The following FANCI variants were observed in gnomAD, a reference collection of about 807,000 sequenced individuals.
The protein encoded by FANCI is Fanconi anemia group I protein.
In FANCI, 156 loss-of-function variants were observed where a neutral mutation model predicts 176.1. That is an observed-to-expected ratio of 0.89 (90% CI 0.78 to 1.01). The LOEUF is 1.01. Among genes scored for constraint, FANCI ranks in the 50% least tolerant of loss-of-function variants. The pLI, the probability that FANCI is intolerant of heterozygous loss-of-function variation, is 0.00. For synonymous variants in FANCI, 613 were observed against 541.7 expected (o/e 1.13, Z -1.83); for missense variants, 1,678 against 1,534.1 (o/e 1.09, Z -1.57).
chr15:89,272,480 A>C (rs1482145305), intron 10 of FANCI, among the ~76,000 whole-genome samples: 1 of 151,810 alleles, frequency 6.6e-6, no homozygotes, highest in Non-Finnish European at 1.5e-5. Flanking sequence ...AAAAGTTTTA[A>C]ATTTTGGTGA....
intron 27 of FANCI, 25 bp from the exon 28 acceptor site, chr15:89,303,839 A>T: frequency 6.2e-7 from 1 of 1,607,168 alleles, no homozygotes; most frequent in South Asian, 1.1e-5. Flanking sequence ...ATGTTTCTTT[A>T]ATATCTGAAT....
At chr15:89,302,454 A>C (rs2054557567) in intron 27 of FANCI, among the ~76,000 whole-genome samples, 1 of 152,204 alleles carries the variant, frequency 6.6e-6, no homozygotes, top group Admixed American at 6.5e-5. Context: ...TGGATTTAGG[A>C]AGGCTAAAAT....
In FANCI at chr15:89,295,087, A is replaced by T. The variant is rs35875311; in HGVS notation, c.2629A>T (p.Ile877Leu). ...PEKIFQNLCD[I>L]TRVLLWRYTS... ...AAAGATCTTTCAGAACCTCTGTGACATAACTCGGTAAGCCACTCCCACCCC... is the reference window on the plus strand; with the variant it reads ...AAAGATCTTTCAGAACCTCTGTGACTTAACTCGGTAAGCCACTCCCACCCC... The change falls in exon 24 of 38, where the codon ATA (isoleucine) becomes TTA (leucine). Residue 877 changes from isoleucine to leucine, a missense_variant. This residue lies in a region of FANCI where 1,204 missense variants were observed against 1,077.4 expected (regional missense o/e 1.12). Coordinates refer to ENST00000310775, the MANE Select transcript of FANCI (RefSeq NM_001113378.2). The T allele has an allele frequency of 0.097, 150,005 of 1,551,466 alleles. 7,822 individuals are homozygous for T. Among genetic ancestry groups the T allele is most frequent in the South Asian group, 0.11 (8,998 of 84,024 alleles).
intron 3 of FANCI, 59 bp from the exon 4 acceptor site, chr15:89,260,654 C>G: frequency 1.3e-6 from 2 of 1,596,522 alleles, no homozygotes. Flanking sequence ...GTTCGTTTTT[C>G]CTATTTACCT....
At chr15:89,254,373 T>C (rs557835662) in intron 2 of FANCI, among the ~76,000 whole-genome samples, 1 of 152,206 alleles carries the variant, frequency 6.6e-6, no homozygotes, top group East Asian at 1.9e-4. Context: ...CATCTTGCTA[T>C]ACCAGAAAGT....
intron 2 of FANCI, among the ~76,000 whole-genome samples, chr15:89,254,770 C>T (rs1277198458): frequency 6.6e-6 from 1 of 152,146 alleles, no homozygotes; most frequent in East Asian, 1.9e-4. Flanking sequence ...TATGACTGTG[C>T]CACTGCAGTC....
At position 89,283,190 on chromosome 15, in the gene FANCI, C is replaced by T; in HGVS notation, c.1638C>T (p.Asn546=). The change falls in exon 17 of 38, where the codon AAC becomes AAT. Residue 546 remains asparagine (N), a synonymous_variant. Transcript: ENST00000310775. ...AVAGFLLLLK[N]FKVLGSLSSS... is the part of the protein sequence containing the mutation. The stretch of plus-strand genomic sequence containing the variant: ...CTGGGTTTTTGCTGCTCCTGAAGAA[C>T]TTTAAAGTTTTAGGCAGCCTGTCAT... 1.2e-6 allele frequency: 2 copies of T among 1,614,192 alleles called. No homozygotes were observed. Among genetic ancestry groups the T allele is most frequent in the Non-Finnish European group, 1.7e-6 (2 of 1,180,034 alleles).
intron 34 of FANCI, among the ~76,000 whole-genome samples, chr15:89,309,272 C>A (rs1453820375): frequency 6.6e-6 from 1 of 152,172 alleles, no homozygotes; most frequent in Non-Finnish European, 1.5e-5. Flanking sequence ...GGATATATAT[C>A]TGTCCATTCC....
In FANCI at chr15:89,316,649, G is replaced by A; in HGVS notation, c.*190G>A. ...TGCTACTGAAAAATGGCTGGCCTTA[G>A]GCAAGCCCTTTTGCAAAAAGCACAG... On this transcript the variant is annotated 3_prime_UTR_variant, in exon 38 of 38. Coordinates refer to ENST00000310775, the MANE Select transcript of FANCI (RefSeq NM_001113378.2). 2 of 1,202,576 alleles carry A rather than the reference G, an allele frequency of 1.7e-6. No individual in the cohort carries two copies. Among genetic ancestry groups the A allele is most frequent in the East Asian group, 2.3e-5 (1 of 42,930 alleles). The allele number at this position is 1,202,576 out of a possible 1,614,324, so 74.5% of individuals were successfully genotyped here.
Position 89,301,489 on chromosome 15 carries a change from A to G in FANCI, c.3006+47A>G, listed in dbSNP as rs745691378. On this transcript the variant is annotated intron_variant, in intron 27 of 37. Transcript: ENST00000310775. ...TCCCATTTAGCATTCCTCAGAAGGC[A>G]AGGATTATTGCATCATAAAAGTGTA... 8.8e-6 allele frequency: 11 copies of G among 1,244,682 alleles called. No individual in the cohort carries two copies. The African/African-American group carries it at 1.2e-4, about 13-fold the overall frequency. The allele number at this position is 1,244,682 out of a possible 1,614,324, so 77.1% of individuals were successfully genotyped here.
chr15:89,295,093 C>T lies in FANCI; in HGVS notation c.2635C>T (p.Arg879Ter), dbSNP rs1013628944. 7 of 1,551,182 alleles carry T rather than the reference C, an allele frequency of 4.5e-6. No individual in the cohort carries two copies. In the African/African-American group the frequency reaches 5.5e-5, roughly 12 times the overall value. ...CTTTCAGAACCTCTGTGACATAACT[C>T]GGTAAGCCACTCCCACCCCTTAGAA... The part of the protein sequence containing the change: ...KIFQNLCDIT[R>*]VLLWRYTSIP... The change falls in exon 24 of 38, where the codon CGA (arginine) becomes TGA (stop). Residue 879 changes from arginine (R) to a stop codon, truncating the protein, a stop_gained and splice_region_variant. Coordinates refer to ENST00000310775, the MANE Select transcript of FANCI (RefSeq NM_001113378.2). LOFTEE classifies it high-confidence loss of function.
intron 10 of FANCI, among the ~76,000 whole-genome samples, chr15:89,269,697 G>T (rs1382434734): frequency 6.6e-6 from 1 of 152,194 alleles, no homozygotes; most frequent in Non-Finnish European, 1.5e-5. Context: ...TACGGTTCCA[G>T]CAAGAAGGCA....
rs1596326954 is a variant in FANCI, at chr15:89,306,813, A to G, written c.3537+619A>G. On this transcript the variant is annotated intron_variant, in intron 32 of 37. Coordinates refer to ENST00000310775, the MANE Select transcript of FANCI (RefSeq NM_001113378.2). ...TACCTTCTAAGGTTTAATCTAAACT[A>G]TAACTATCCTAGAATTAAATCTGGG... 2.6e-5 allele frequency among the ~76,000 whole-genome samples: 4 copies of G among 152,266 alleles called. 1 individual carries two copies. Among genetic ancestry groups the G allele is most frequent in the Admixed American group, 2.6e-4 (4 of 15,298 alleles).
At chr15:89,261,247 G>A (rs2052700568) in intron 4 of FANCI, among the ~76,000 whole-genome samples, 1 of 152,138 alleles carries the variant, frequency 6.6e-6, no homozygotes, top group East Asian at 1.9e-4. Flanking sequence ...GTCCAGCCTG[G>A]GCAGCAGAGT....
intron 35 of FANCI, 70 bp downstream of exon 35, chr15:89,313,042 A>G: frequency 5.0e-6 from 7 of 1,396,132 alleles, no homozygotes; most frequent in Middle Eastern, 1.8e-4. Flanking sequence ...GGAAGAAGCC[A>G]GTGACAAAAA....
intron 10 of FANCI, among the ~76,000 whole-genome samples, chr15:89,272,949 A>G (rs1362147142): frequency 1.3e-5 from 2 of 152,042 alleles, no homozygotes; most frequent in African/African-American, 4.8e-5. Flanking sequence ...TTACAGGCAT[A>G]AGCCACCACA....
Position 89,295,366 on chromosome 15 carries a change from GAA to G in FANCI, c.2636+289_2636+290del, listed in dbSNP as rs373941070. On this transcript the variant is annotated intron_variant, in intron 24 of 37. Coordinates refer to ENST00000310775, the MANE Select transcript of FANCI (RefSeq NM_001113378.2). ...GGGTGACAGGGCAAGACTCTCAAAAGAAAAAAAAAAAAAAAAAAGCCAGACAT... is the reference window on the plus strand; with the variant it reads ...GGGTGACAGGGCAAGACTCTCAAAAGAAAAAAAAAAAAAAAAGCCAGACAT... Among the ~76,000 whole-genome samples the G allele has an allele frequency of 0.022, 2,083 of 96,260 alleles. 52 individuals carry two copies. The highest frequency in any genetic ancestry group is 0.085 in the African/African-American group (1,929 of 22,780). 63.2% of individuals were successfully genotyped at this position (96,260 alleles called of 152,430 possible).
intron 6 of FANCI, among the ~76,000 whole-genome samples, chr15:89,262,903 T>A (rs1051127523): frequency 2.0e-5 from 3 of 152,234 alleles, no homozygotes; most frequent in South Asian, 2.1e-4. Flanking sequence ...ATGTCTTTTT[T>A]AATTTTAAAT....
At chr15:89,274,481 T>A (rs1381569718) in intron 12 of FANCI, among the ~76,000 whole-genome samples, 177 bp downstream of exon 12, 3 of 152,200 alleles carry the variant, frequency 2.0e-5, no homozygotes, top group Admixed American at 1.3e-4. Context: ...TATGGAAATA[T>A]CCTTGAATCT....
Sources: gnomAD v4.1 joint callset for allele counts (sites outside exome capture counted in the v4.1 genomes callset) on GRCh38, gnomAD v4.1.1 for gene constraint, gnomAD v4.1.1 regional missense constraint, MANE v1.5 for transcripts, NCBI Gene and HGNC (gene_info 2026-07-23, HGNC 2026-07-21) for gene names.